Variants in OAF observed in about 807,000 individuals in gnomAD.
OAF encodes the protein out at first homolog.
OAF carries 13 observed loss-of-function variants against 22.5 expected under a neutral mutation model. The ratio of observed to expected loss-of-function variants is 0.58; its 90% confidence interval spans 0.38 to 0.92. OAF has a LOEUF of 0.92. Ranked by LOEUF, OAF falls within the 40% of genes least tolerant of loss-of-function variation. The pLI is 0.00. For missense variants in OAF, 347 were observed against 381.8 expected (o/e 0.91, Z 0.76); for synonymous variants, 175 against 170.5 (o/e 1.03, Z -0.21).
rs1255453597 is a variant in OAF at position 120,225,699 on chromosome 11, G to A, written c.270G>A (p.Leu90=). 5 of 1,603,634 alleles carry A rather than the reference G, an allele frequency of 3.1e-6. No individual in the cohort carries two copies. The highest frequency in any genetic ancestry group is 4.3e-6 in the Non-Finnish European group (5 of 1,175,498). ...KVFRALILGE[L]EKGQSQFQAL... ...TCCGGGCCCTGATCCTGGGGGAGCT[G>A]GAGAAGGGGCAGAGTCAGTTCCAGG... The change falls in exon 2 of 4, where the codon CTG becomes CTA. Residue 90 remains leucine (L), a synonymous_variant. Coordinates refer to ENST00000328965, the MANE Select transcript of OAF (RefSeq NM_178507.4).
At position 120,211,385 on chromosome 11, in the gene OAF, G is replaced by C; in HGVS notation, c.106G>C (p.Val36Leu). The C allele has an allele frequency of 6.8e-7, 1 of 1,473,320 alleles. No homozygotes were observed. The allele number at this position is 1,473,320 out of a possible 1,614,324, so 91.3% of individuals were successfully genotyped here. ...TGAPAELRVR[V>L]RLPDGQVTEE... is the part of the protein sequence containing the mutation. ...TGCGCCGGCCGAGCTGCGGGTCCGC[G>C]TGCGGCTGCCGGACGGCCAGGTGAC... The change falls in exon 1 of 4, where the codon GTG (valine) becomes CTG (leucine). Residue 36 changes from valine to leucine, a missense_variant. Val to Leu is a conservative substitution (Grantham distance 32). Transcript: ENST00000328965.
In OAF at chr11:120,211,326, TG is replaced by T; in HGVS notation, c.48del (p.Leu17CysfsTer27). 7.2e-7 allele frequency: 1 copy of T among 1,396,040 alleles called. No individual in the cohort carries two copies. The highest frequency in any genetic ancestry group is 3.1e-5 in the East Asian group (1 of 32,692). 86.5% of individuals were successfully genotyped at this position (1,396,040 alleles called of 1,614,324 possible). A position where few individuals can be genotyped will look rare whatever the true frequency, so the allele number is the denominator to read the frequency against. On this transcript the variant is annotated frameshift_variant, in exon 1 of 4. Transcript: ENST00000328965. LOFTEE classifies it high-confidence loss of function. ...CTGGCGCGCCCTGCGCTGCTGCTGCTGCTGCCGCTGCTCGCGCCGCTGCTGG... is the reference window on the plus strand; with the variant it reads ...CTGGCGCGCCCTGCGCTGCTGCTGCTCTGCCGCTGCTCGCGCCGCTGCTGG... Reference protein sequence around the residue: ...VPLARPALLLLLPLLAPLLGT... With the variant: ...VPLARPALLLXLPLLAPLLGT...
At chr11:120,216,975 C>A (rs1245499200) in intron 1 of OAF, 1 of 152,368 alleles carries the variant, frequency 6.6e-6, no homozygotes, top group South Asian at 2.1e-4. Context: ...AGCTGATGAT[C>A]CCAGATTAGG....
At position 120,215,904 on chromosome 11, in the gene OAF, C is replaced by T. The variant is rs534220589; in HGVS notation, c.231+4394C>T. On this transcript the variant is annotated intron_variant, in intron 1 of 3. Transcript: ENST00000328965. ...TGTGTGATGGCATCACGGTGGTGGG[C>T]GGTGGGGGTCCCTTTCCCCTCCCAG... Among the ~76,000 whole-genome samples the T allele has an allele frequency of 7.8e-4, 118 of 152,078 alleles. No homozygotes were observed. In the South Asian group the frequency reaches 0.023, roughly 30 times the overall value.
chr11:120,222,279 C>T (rs771491445), intron 1 of OAF, among the ~76,000 whole-genome samples: 5 of 152,160 alleles, frequency 3.3e-5, no homozygotes, highest in South Asian at 4.1e-4. Flanking sequence ...ACGAAAGGGC[C>T]GGGCGCAGTG....
chr11:120,222,913 AAAAC>A (rs1364648711), intron 1 of OAF, among the ~76,000 whole-genome samples: 1 of 25,596 alleles, frequency 3.9e-5, no homozygotes, highest in Admixed American at 3.2e-4. Flanking sequence ...TCTGTCTCAA[AAAAC>A]AAAACAAAAC....
At chr11:120,226,707 A>G in intron 2 of OAF, 109 bp from the exon 3 acceptor site, 2 of 972,636 alleles carry the variant, frequency 2.1e-6, no homozygotes, top group Non-Finnish European at 3.1e-6. Flanking sequence ...AGATGGCCCC[A>G]GCGTTCTAAA....
At chr11:120,222,934 CAAAA>C (rs1290906525) in intron 1 of OAF, among the ~76,000 whole-genome samples, 5 of 136,014 alleles carry the variant, frequency 3.7e-5, no homozygotes, top group South Asian at 2.3e-4. Context: ...AAACAAAAAA[CAAAA>C]AAAGAAGTCC....
chr11:120,226,786 AG>A (rs773895089), intron 2 of OAF, 29 bp from the exon 3 acceptor site: 21 of 1,560,880 alleles, frequency 1.3e-5, no homozygotes, highest in Non-Finnish European at 1.7e-5. Flanking sequence ...TTCTGAAGCC[AG>A]GTAGGAGTGA....
At chr11:120,225,465 A>C (rs540025298) in intron 1 of OAF, among the ~76,000 whole-genome samples, 196 bp from the exon 2 acceptor site, 1 of 152,224 alleles carries the variant, frequency 6.6e-6, no homozygotes, top group East Asian at 1.9e-4. Context: ...GGATCTTTGG[A>C]ACATCTGGGG....
chr11:120,212,297 C>T (rs889766560), intron 1 of OAF, among the ~76,000 whole-genome samples: 1 of 150,812 alleles, frequency 6.6e-6, no homozygotes, highest in African/African-American at 2.4e-5. Flanking sequence ...TCCCAGATTA[C>T]GGTTTGGGAG....
intron 3 of OAF, 43 bp from the exon 4 acceptor site, chr11:120,228,825 T>TTCCCAA: frequency 2.5e-5 from 11 of 434,172 alleles, no homozygotes; most frequent in East Asian, 5.5e-5. Context: ...GCTCCTTCCC[T>TTCCCAA]CCCTCCCTCC....
At chr11:120,222,486 G>A (rs1401296755) in intron 1 of OAF, among the ~76,000 whole-genome samples, 1 of 151,932 alleles carries the variant, frequency 6.6e-6, no homozygotes, top group African/African-American at 2.4e-5. Context: ...AGCCTGGGAG[G>A]CGGAAGTTGC....
At chr11:120,212,808 T>C (rs566304474) in intron 1 of OAF, among the ~76,000 whole-genome samples, 1 of 141,884 alleles carries the variant, frequency 7.0e-6, no homozygotes, top group African/African-American at 2.6e-5. Context: ...GGCACTGACA[T>C]TGGACATAAG....
intron 3 of OAF, among the ~76,000 whole-genome samples, chr11:120,227,874 C>G (rs1237462439): frequency 6.6e-6 from 1 of 152,110 alleles, no homozygotes; most frequent in African/African-American, 2.4e-5. Context: ...GGCCTGCACC[C>G]CAGACTATGC....
intron 1 of OAF, among the ~76,000 whole-genome samples, chr11:120,216,826 C>T (rs1938218845): frequency 6.6e-6 from 1 of 152,218 alleles, no homozygotes; most frequent in Admixed American, 6.5e-5. Context: ...AGGACAGACT[C>T]CTGTTCCGCT....
In OAF at chr11:120,211,335, TG is replaced by T; in HGVS notation, c.57del (p.Leu20SerfsTer24). The T allele has an allele frequency of 7.1e-7, 1 of 1,406,618 alleles. No homozygotes were observed. Among genetic ancestry groups the T allele is most frequent in the Non-Finnish European group, 9.3e-7 (1 of 1,078,916 alleles). The allele number at this position is 1,406,618 out of a possible 1,614,324, so 87.1% of individuals were successfully genotyped here. A position where few individuals can be genotyped will look rare whatever the true frequency, so the allele number is the denominator to read the frequency against. On this transcript the variant is annotated frameshift_variant, in exon 1 of 4. Coordinates refer to ENST00000328965, the MANE Select transcript of OAF (RefSeq NM_178507.4). LOFTEE classifies it high-confidence loss of function. ...CCTGCGCTGCTGCTGCTGCTGCCGC[TG>T]CTCGCGCCGCTGCTGGGAACGGGTG... ...ARPALLLLLP[L>X]LAPLLGTGAP...
At position 120,211,531 on chromosome 11, in the gene OAF, G is replaced by A. The variant is rs555700536; in HGVS notation, c.231+21G>A. The A allele has an allele frequency of 2.2e-5, 31 of 1,428,284 alleles. No homozygotes were observed. The African/African-American group carries it at 2.5e-4, about 12-fold the overall frequency. 88.5% of individuals were successfully genotyped at this position (1,428,284 alleles called of 1,614,324 possible). A position where few individuals can be genotyped will look rare whatever the true frequency, so the allele number is the denominator to read the frequency against. ...AGAAGGTGAGGCGCCCTCACTCGCC[G>A]GGGTGGCACCTTCAAGCCTGAGCCC... On this transcript the variant is annotated intron_variant, in intron 1 of 3. Transcript: ENST00000328965.
chr11:120,226,427 G>A (rs966407758), intron 2 of OAF, among the ~76,000 whole-genome samples: 1 of 152,246 alleles, frequency 6.6e-6, no homozygotes, highest in South Asian at 2.1e-4. Flanking sequence ...TCGCCCCTGC[G>A]CTTTGCCTGC....
Sources: gnomAD v4.1 joint callset for allele counts (sites outside exome capture counted in the v4.1 genomes callset) on GRCh38, gnomAD v4.1.1 for gene constraint, MANE v1.5 for transcripts, NCBI Gene and HGNC (gene_info 2026-07-23, HGNC 2026-07-21) for gene names.